The following COL5A2 variants were observed in gnomAD, a reference collection of about 807,000 sequenced individuals.
COL5A2 encodes collagen type V alpha 2 chain.
A neutral mutation model predicts 208.2 loss-of-function variants in COL5A2; 23 were observed. That is an observed-to-expected ratio of 0.11 (90% CI 0.08 to 0.16). The LOEUF (loss-of-function observed/expected upper bound fraction) is 0.16, where lower values mean the gene tolerates loss of function less well. Ranked by LOEUF, COL5A2 falls within the 10% of genes least tolerant of loss-of-function variation. The pLI is 1.00. For missense variants in COL5A2, 1,590 were observed against 1,956.4 expected, an observed-to-expected ratio of 0.81 and a Z score of 3.53; for synonymous variants, 625 against 628.5, an observed-to-expected ratio of 0.99 and a Z score of 0.08.
At chr2:189,398,212 G>A in the COL5A2 span, among the ~76,000 whole-genome samples, 4 of 151,964 alleles carry the variant, frequency 2.6e-5, no homozygotes, top group Admixed American at 1.3e-4. Flanking sequence ...GTGTTGAGCC[G>A]GCCAAGCTAT....
chr2:189,036,914 T>A lies in COL5A2; in HGVS notation c.3926-111A>T, dbSNP rs377734186. On this transcript the variant is annotated intron_variant, in intron 51 of 53. Transcript: ENST00000374866. ...AAATATACACTCACTGATTAAGGAT[T>A]CTTTTAAGTGAGAGTGCCCCTTACG... 2.2e-5 allele frequency: 20 copies of A among 899,092 alleles called. No homozygotes were observed. The East Asian group carries it at 3.2e-4, about 14-fold the overall frequency. The allele number at this position is 899,092 out of a possible 1,614,324, so 55.7% of individuals were successfully genotyped here.
At chr2:189,048,289 T>C in intron 44 of COL5A2, 27 bp from the exon 45 acceptor site, 1 of 1,604,846 alleles carries the variant, frequency 6.2e-7, no homozygotes, top group South Asian at 1.1e-5. Context: ...TTTGAAAAAC[T>C]ACTTAACTGA....
chr2:189,340,168 T>C, the COL5A2 span, among the ~76,000 whole-genome samples: 1 of 152,082 alleles, frequency 6.6e-6, no homozygotes, highest in Non-Finnish European at 1.5e-5. Context: ...GACAACTGGG[T>C]TCCCCTTGGC....
chr2:189,411,566 G>A, the COL5A2 span, among the ~76,000 whole-genome samples: 6 of 152,016 alleles, frequency 3.9e-5, no homozygotes, highest in Admixed American at 1.3e-4. Context: ...TTCAGATGTC[G>A]GTAGACTTTC....
At chr2:189,381,157 G>A in the COL5A2 span, among the ~76,000 whole-genome samples, 4 of 151,928 alleles carry the variant, frequency 2.6e-5, no homozygotes, top group Admixed American at 6.6e-5. Context: ...TACTCACTTC[G>A]TCACCTTTCA....
chr2:189,253,172 C>G, the COL5A2 span, among the ~76,000 whole-genome samples: 3 of 152,070 alleles, frequency 2.0e-5, no homozygotes, highest in Admixed American at 1.3e-4. Context: ...GCTCATGGCA[C>G]GAAGGACCTT....
the COL5A2 span, among the ~76,000 whole-genome samples, chr2:189,439,150 T>C: frequency 6.6e-6 from 1 of 152,232 alleles, no homozygotes; most frequent in African/African-American, 2.4e-5. Context: ...CAAACCCTTA[T>C]AATCACTTTC....
At chr2:189,353,074 T>C in the COL5A2 span, among the ~76,000 whole-genome samples, 5 of 152,086 alleles carry the variant, frequency 3.3e-5, no homozygotes, top group Non-Finnish European at 7.4e-5. Context: ...GTTTTTATCA[T>C]GTTTGTCAAA....
chr2:189,372,271 A>G, the COL5A2 span, among the ~76,000 whole-genome samples: 11 of 152,248 alleles, frequency 7.2e-5, no homozygotes, highest in Non-Finnish European at 2.9e-5. Flanking sequence ...ATATATATTT[A>G]TAGAGACTTA....
At chr2:189,377,365 T>C in the COL5A2 span, among the ~76,000 whole-genome samples, 1 of 152,208 alleles carries the variant, frequency 6.6e-6, no homozygotes, top group Non-Finnish European at 1.5e-5. Flanking sequence ...GAGCACTTTG[T>C]ACAGACCTAC....
intron 30 of COL5A2, among the ~76,000 whole-genome samples, chr2:189,061,348 T>C (rs1398366902): frequency 2.0e-5 from 3 of 152,256 alleles, no homozygotes; most frequent in African/African-American, 7.2e-5. Context: ...GTTTTGTTCA[T>C]AATTTGCAGG....
At chr2:189,189,458 A>C (rs1409147910) in intron 1 of COL5A2, among the ~76,000 whole-genome samples, 1 of 152,182 alleles carries the variant, frequency 6.6e-6, no homozygotes, top group Non-Finnish European at 1.5e-5. Context: ...CCAAGGCCGG[A>C]GAATCACCTG....
chr2:189,224,898 G>T (rs1689393516), intron 1 of COL5A2, among the ~76,000 whole-genome samples: 1 of 151,968 alleles, frequency 6.6e-6, no homozygotes, highest in Admixed American at 6.6e-5. Context: ...TACTTGATTT[G>T]CTAAGAATTC....
intron 50 of COL5A2, among the ~76,000 whole-genome samples, chr2:189,040,330 C>T (rs559299446): frequency 3.7e-5 from 4 of 108,444 alleles, no homozygotes; most frequent in African/African-American, 1.3e-4. Context: ...AAAGAGCCCT[C>T]CTGCCTTTTT....
chr2:189,269,600 G>A, the COL5A2 span, among the ~76,000 whole-genome samples: 1 of 152,148 alleles, frequency 6.6e-6, no homozygotes, highest in Non-Finnish European at 1.5e-5. Context: ...CTTGATCGTG[G>A]TGGATAAGCT....
chr2:189,439,771 TTC>T, the COL5A2 span, among the ~76,000 whole-genome samples: 2 of 152,230 alleles, frequency 1.3e-5, no homozygotes, highest in African/African-American at 4.8e-5. Flanking sequence ...ATATCAGGAT[TTC>T]TGATTCTTTT....
chr2:189,042,624 A>G, intron 49 of COL5A2, 96 bp downstream of exon 49: 1 of 1,198,054 alleles, frequency 8.3e-7, no homozygotes, highest in Admixed American at 1.9e-5. Context: ...AGCCAACTCC[A>G]GCTTCAATAC....
intron 18 of COL5A2, 37 bp downstream of exon 18, chr2:189,072,003 T>C: frequency 1.5e-6 from 2 of 1,331,932 alleles, no homozygotes; most frequent in Non-Finnish European, 2.1e-6. Flanking sequence ...TGTAATCATG[T>C]AGCGTTAAAT....
At chr2:189,400,064 T>C in the COL5A2 span, among the ~76,000 whole-genome samples, 1 of 152,206 alleles carries the variant, frequency 6.6e-6, no homozygotes, top group Admixed American at 6.5e-5. Flanking sequence ...TACATCTCTT[T>C]ATTTGATCTA....
Sources: allele counts gnomAD v4.1 joint callset (sites outside exome capture counted in the v4.1 genomes callset), GRCh38; gene constraint gnomAD v4.1.1; transcripts MANE v1.5; gene names NCBI Gene and HGNC (gene_info 2026-07-23, HGNC 2026-07-21).